The following RNF150 variants were observed in gnomAD, a reference collection of about 807,000 sequenced individuals.
The protein encoded by RNF150 is ring finger protein 150.
Under a neutral mutation model 39.3 loss-of-function variants are expected in RNF150, and 24 were observed. The observed-to-expected ratio is 0.61, with a 90% CI of 0.44 to 0.86. The LOEUF (loss-of-function observed/expected upper bound fraction) is 0.86, where lower values mean the gene tolerates loss of function less well. Ranked by LOEUF, RNF150 falls within the 40% of genes least tolerant of loss-of-function variation. The pLI, the probability that RNF150 is intolerant of heterozygous loss-of-function variation, is 0.00. For missense variants in RNF150, 502 were observed against 587.8 expected, an observed-to-expected ratio of 0.85 and a Z score of 1.51; for synonymous variants, 255 against 227.3, an observed-to-expected ratio of 1.12 and a Z score of -1.10.
chr4:141,150,863 T>C (rs1727284400), intron 1 of RNF150, among the ~76,000 whole-genome samples: 1 of 152,202 alleles, frequency 6.6e-6, no homozygotes. Flanking sequence ...AATTCTGAAA[T>C]GAATGGATGA....
At chr4:141,185,851 T>A (rs776706826) in intron 1 of RNF150, among the ~76,000 whole-genome samples, 2 of 152,230 alleles carry the variant, frequency 1.3e-5, no homozygotes, top group Non-Finnish European at 2.9e-5. Context: ...TGCCATTTGT[T>A]GAACCAGCTT....
At chr4:140,910,685 C>G (rs1730559879) in intron 6 of RNF150, among the ~76,000 whole-genome samples, 1 of 145,316 alleles carries the variant, frequency 6.9e-6, no homozygotes, top group Non-Finnish European at 1.5e-5. Flanking sequence ...CATACAGTCA[C>G]ACGCACACTC....
chr4:140,916,670 C>G (rs189041861), intron 5 of RNF150, among the ~76,000 whole-genome samples: 221 of 152,228 alleles, frequency 1.5e-3, no homozygotes, highest in Non-Finnish European at 1.5e-3. Flanking sequence ...GGCCAACATT[C>G]AAATTCAGGA....
At chr4:140,890,605 A>T (rs1466667645) in intron 6 of RNF150, among the ~76,000 whole-genome samples, 2 of 152,156 alleles carry the variant, frequency 1.3e-5, no homozygotes, top group Non-Finnish European at 2.9e-5. Context: ...CTCTCATCTC[A>T]CCACTGAGGA....
At chr4:141,153,243 G>A (rs184656697) in intron 1 of RNF150, among the ~76,000 whole-genome samples, 5 of 152,196 alleles carry the variant, frequency 3.3e-5, no homozygotes, top group Admixed American at 2.0e-4. Context: ...TTATTGATTC[G>A]TTTATTGAAG....
At chr4:141,152,871 G>A (rs1727324114) in intron 1 of RNF150, among the ~76,000 whole-genome samples, 1 of 152,096 alleles carries the variant, frequency 6.6e-6, no homozygotes, top group African/African-American at 2.4e-5. Context: ...TGGGATACAT[G>A]TGCAGAATAT....
At chr4:141,058,901 A>T (rs547206518) in intron 1 of RNF150, among the ~76,000 whole-genome samples, 1 of 152,156 alleles carries the variant, frequency 6.6e-6, no homozygotes, top group South Asian at 2.1e-4. Context: ...CACATGATAA[A>T]CTGTGTTGAA....
rs1173344224 is a variant in RNF150 at position 140,861,245 on chromosome 4, A to C, written c.*7016T>G. The stretch of plus-strand genomic sequence containing the variant: ...CAAGAATAAAGTTGAGATAACTTAC[A>C]AAAACAAGCAGTCCCTTGCTTATAA... On this transcript the variant is annotated 3_prime_UTR_variant, in exon 7 of 7. Transcript: ENST00000515673. 6.6e-6 allele frequency: 1 copy of C among 152,240 alleles called. No individual in the cohort carries two copies. Among genetic ancestry groups the C allele is most frequent in the East Asian group, 1.9e-4 (1 of 5,194 alleles). The allele number at this position is 152,240 out of a possible 1,614,324, so 9.4% of individuals were successfully genotyped here.
chr4:141,146,256 T>C (rs1727199152), intron 1 of RNF150, among the ~76,000 whole-genome samples: 1 of 152,230 alleles, frequency 6.6e-6, no homozygotes, highest in African/African-American at 2.4e-5. Context: ...CCTTTGACCC[T>C]GTTTTCCTAG....
At chr4:141,083,725 T>C (rs1738247412) in intron 1 of RNF150, among the ~76,000 whole-genome samples, 1 of 151,286 alleles carries the variant, frequency 6.6e-6, no homozygotes, top group Non-Finnish European at 1.5e-5. Context: ...CTGGTCAGAG[T>C]GGCAGAATGT....
intron 1 of RNF150, among the ~76,000 whole-genome samples, chr4:141,030,795 AG>A (rs893305752): frequency 1.3e-5 from 2 of 152,104 alleles, no homozygotes; most frequent in African/African-American, 4.8e-5. Context: ...GGGGGTTGCC[AG>A]GGGATAGGGG....
At position 141,027,881 on chromosome 4, in the gene RNF150, G is replaced by T. The variant is rs7680491; in HGVS notation, c.485-60008C>A. Among the ~76,000 whole-genome samples the T allele has an allele frequency of 6.9e-3, 886 of 128,422 alleles. 8 individuals are homozygous for T. The highest frequency in any genetic ancestry group is 0.025 in the Middle Eastern group (4 of 162). The allele number at this position is 128,422 out of a possible 152,430, so 84.2% of individuals were successfully genotyped here. ...TCTTTCCTGCACTAGTGTTCTTAAA[G>T]ATCATTAGATAGTTAATGAGCTTGG... On this transcript the variant is annotated intron_variant, in intron 1 of 6. Coordinates refer to ENST00000515673, the MANE Select transcript of RNF150 (RefSeq NM_020724.2).
chr4:141,108,123 A>G (rs966393185), intron 1 of RNF150, among the ~76,000 whole-genome samples: 1 of 151,942 alleles, frequency 6.6e-6, no homozygotes, highest in Non-Finnish European at 1.5e-5. Context: ...GTGTGAAAGC[A>G]CTCTCTCCAA....
At chr4:140,985,267 T>G (rs945730495) in intron 1 of RNF150, among the ~76,000 whole-genome samples, 5 of 152,164 alleles carry the variant, frequency 3.3e-5, no homozygotes, top group Admixed American at 3.3e-4. Context: ...TCATTCAGCA[T>G]AAGTAGTTCT....
chr4:140,912,266 A>T (rs1406729491), intron 5 of RNF150, among the ~76,000 whole-genome samples: 1 of 152,168 alleles, frequency 6.6e-6, no homozygotes, highest in Non-Finnish European at 1.5e-5. Context: ...TTTTCAAATT[A>T]CTTTCAGTTG....
At chr4:140,877,768 T>C (rs1020559851) in intron 6 of RNF150, among the ~76,000 whole-genome samples, 2 of 152,116 alleles carry the variant, frequency 1.3e-5, no homozygotes, top group African/African-American at 4.8e-5. Flanking sequence ...AACAAAGGTG[T>C]GGGGAAAATA....
intron 1 of RNF150, among the ~76,000 whole-genome samples, chr4:140,993,787 C>T (rs1352857480): frequency 6.6e-6 from 1 of 152,174 alleles, no homozygotes; most frequent in Non-Finnish European, 1.5e-5. Context: ...ACTCTACCTT[C>T]ATCTTCCCAC....
At chr4:140,911,918 G>A (rs1337946933) in intron 5 of RNF150, among the ~76,000 whole-genome samples, 2 of 123,892 alleles carry the variant, frequency 1.6e-5, no homozygotes, top group African/African-American at 3.1e-5. Flanking sequence ...CCTAAAGCCA[G>A]CTATAGAAAA....
At chr4:141,142,675 C>T (rs1304474928) in intron 1 of RNF150, among the ~76,000 whole-genome samples, 1 of 152,146 alleles carries the variant, frequency 6.6e-6, no homozygotes, top group African/African-American at 2.4e-5. Context: ...CGTAACCTCT[C>T]AGCCATATCT....
Sources: gnomAD v4.1 joint callset for allele counts (sites outside exome capture counted in the v4.1 genomes callset) on GRCh38, gnomAD v4.1.1 for gene constraint, MANE v1.5 for transcripts, NCBI Gene and HGNC (gene_info 2026-07-23, HGNC 2026-07-21) for gene names.